Variants in LINC00305 observed in about 807,000 individuals in gnomAD.
The protein encoded by LINC00305 is long intergenic non-protein coding RNA 305.
At chr18:64,143,725 C>T (rs2051481219) in intron 1 of LINC00305, among the ~76,000 whole-genome samples, 1 of 149,988 alleles carries the variant, frequency 6.7e-6, no homozygotes, top group Non-Finnish European at 1.5e-5. Context: ...ATTATGCGTA[C>T]ATGTATGTCC....
intron 1 of LINC00305, among the ~76,000 whole-genome samples, chr18:64,105,780 C>T (rs565157087): frequency 1.7e-4 from 26 of 152,098 alleles, no homozygotes; most frequent in Non-Finnish European, 3.5e-4. Context: ...ATCAATACTA[C>T]GATAAATATC....
chr18:64,125,598 T>A (rs1170694409), intron 1 of LINC00305, among the ~76,000 whole-genome samples: 1 of 151,346 alleles, frequency 6.6e-6, no homozygotes, highest in Non-Finnish European at 1.5e-5. Flanking sequence ...TACATACATG[T>A]GTATCTTAAA....
Position 64,144,492 on chromosome 18 carries a change from A to C in LINC00305, n.314+4283T>G, listed in dbSNP as rs76579652. Among the ~76,000 whole-genome samples, 741 of 152,034 alleles carry C rather than the reference A, an allele frequency of 4.9e-3. 6 individuals are homozygous for C. The highest frequency in any genetic ancestry group is 6.8e-3 in the Middle Eastern group (2 of 294). ...GACCTGTATCAGACATGTAATTTAC[A>C]GAACTGTACATTATTAATGATTAAT... On this transcript the variant is annotated intron_variant and non_coding_transcript_variant, in intron 1 of 3. Transcript: ENST00000666468.
intron 1 of LINC00305, among the ~76,000 whole-genome samples, chr18:64,132,785 G>T (rs1373671044): frequency 6.6e-6 from 1 of 152,174 alleles, no homozygotes; most frequent in African/African-American, 2.4e-5. Context: ...TTTGCTGTGG[G>T]CATAGCAGTG....
intron 1 of LINC00305, chr18:64,104,160 T>C (rs1259384184): frequency 6.6e-6 from 1 of 152,170 alleles, no homozygotes; most frequent in Non-Finnish European, 1.5e-5. Flanking sequence ...AAGTTCATAG[T>C]GAAGTTTCCA....
At chr18:64,113,642 T>C (rs2051324933) in intron 1 of LINC00305, among the ~76,000 whole-genome samples, 1 of 152,208 alleles carries the variant, frequency 6.6e-6, no homozygotes, top group Non-Finnish European at 1.5e-5. Context: ...GTAAGTGCTG[T>C]ATTTGGGCTA....
chr18:64,123,322 A>G (rs919608580), intron 1 of LINC00305, among the ~76,000 whole-genome samples: 1 of 151,996 alleles, frequency 6.6e-6, no homozygotes, highest in Non-Finnish European at 1.5e-5. Flanking sequence ...CAAATATGCC[A>G]CTCTACTTCC....
intron 3 of LINC00305, among the ~76,000 whole-genome samples, chr18:64,093,978 G>A (rs539450303): frequency 3.9e-5 from 6 of 152,062 alleles, no homozygotes; most frequent in South Asian, 2.1e-4. Context: ...CATCAGTTGC[G>A]AAAAAAAGGG....
chr18:64,080,973 A>G (rs1473519871), intron 3 of LINC00305, among the ~76,000 whole-genome samples: 7 of 152,350 alleles, frequency 4.6e-5, no homozygotes, highest in Admixed American at 4.6e-4. Flanking sequence ...TTTTTATTGT[A>G]CAGATAAAAG....
intron 1 of LINC00305, among the ~76,000 whole-genome samples, chr18:64,119,318 T>G (rs769432955): frequency 6.6e-6 from 1 of 152,156 alleles, no homozygotes; most frequent in Non-Finnish European, 1.5e-5. Flanking sequence ...TGGCTGATTC[T>G]GGTGGAGAAT....
intron 3 of LINC00305, among the ~76,000 whole-genome samples, chr18:64,093,765 G>A (rs78585772): frequency 1.5e-3 from 234 of 152,282 alleles, no homozygotes; most frequent in African/African-American, 5.4e-3. Context: ...CTGGGAAGGG[G>A]CTTAAAGATA....
intron 1 of LINC00305, chr18:64,127,335 A>T (rs2051389709): frequency 6.6e-6 from 1 of 152,048 alleles, no homozygotes; most frequent in Admixed American, 6.6e-5. Context: ...ATCACTTATT[A>T]ACCTCTCACA....
intron 1 of LINC00305, among the ~76,000 whole-genome samples, chr18:64,099,361 A>G (rs1392982797): frequency 6.6e-6 from 1 of 152,188 alleles, no homozygotes; most frequent in Non-Finnish European, 1.5e-5. Flanking sequence ...TGAATGAGGC[A>G]CAATCGTAGA....
intron 1 of LINC00305, among the ~76,000 whole-genome samples, chr18:64,113,963 G>A (rs141950589): frequency 2.0e-5 from 3 of 152,232 alleles, no homozygotes; most frequent in African/African-American, 7.2e-5. Flanking sequence ...AAATTTATGG[G>A]AAGCACATAA....
chr18:64,115,384 G>A (rs563127415), intron 1 of LINC00305, among the ~76,000 whole-genome samples: 1 of 152,256 alleles, frequency 6.6e-6, no homozygotes, highest in African/African-American at 2.4e-5. Context: ...AAGCCTCACT[G>A]AGGAACAAAA....
chr18:64,090,236 C>T lies in LINC00305; in HGVS notation n.540+7598G>A, dbSNP rs1820423148. ...GTAGAATATGAAAATATCATGGCTA[C>T]AATAGACACTAGAGGCAAATTAGAA... On this transcript the variant is annotated intron_variant and non_coding_transcript_variant, in intron 3 of 3. Transcript: ENST00000666468. Among the ~76,000 whole-genome samples, 3 of 152,280 alleles carry T rather than the reference C, an allele frequency of 2.0e-5. No homozygotes were observed. In the South Asian group the frequency reaches 6.2e-4, roughly 32 times the overall value.
chr18:64,144,805 G>A (rs529353895), intron 1 of LINC00305, among the ~76,000 whole-genome samples: 9 of 152,264 alleles, frequency 5.9e-5, no homozygotes, highest in South Asian at 4.1e-4. Context: ...CCAGCAGCGC[G>A]GGATGTGCTT....
chr18:64,143,699 A>G (rs2051480769), intron 1 of LINC00305, among the ~76,000 whole-genome samples: 1 of 150,920 alleles, frequency 6.6e-6, no homozygotes, highest in Admixed American at 6.6e-5. Flanking sequence ...TATTATGCGT[A>G]CATGTATGTC....
At chr18:64,095,145 T>C (rs1451704710) in intron 3 of LINC00305, among the ~76,000 whole-genome samples, 2 of 152,126 alleles carry the variant, frequency 1.3e-5, no homozygotes, top group East Asian at 3.9e-4. Flanking sequence ...AAAATACCCC[T>C]TTTGAGCTTA....
Sources: allele counts gnomAD v4.1 joint callset (sites outside exome capture counted in the v4.1 genomes callset), GRCh38; gene constraint gnomAD v4.1.1; transcripts MANE v1.5; gene names NCBI Gene and HGNC (gene_info 2026-07-23, HGNC 2026-07-21).